Variants in CHST11 observed in about 807,000 individuals in gnomAD.
CHST11 encodes carbohydrate sulfotransferase 11.
In CHST11, 9 loss-of-function variants were observed where a neutral mutation model predicts 30.4. The ratio of observed to expected loss-of-function variants is 0.30; its 90% confidence interval spans 0.18 to 0.52. CHST11 has a LOEUF of 0.52. Ranked by LOEUF, CHST11 falls within the 20% of genes least tolerant of loss-of-function variation. The probability of loss-of-function intolerance (pLI) is 0.97; values close to 1 mark genes in which losing one functional copy is unlikely to be tolerated. For synonymous variants in CHST11, 152 were observed against 187.8 expected, an observed-to-expected ratio of 0.81 and a Z score of 1.56; for missense variants, 348 against 460.6, an observed-to-expected ratio of 0.76 and a Z score of 2.24.
chr12:104,498,044 G>A (rs185516424), intron 1 of CHST11, among the ~76,000 whole-genome samples: 289 of 150,328 alleles, frequency 1.9e-3, no homozygotes, highest in Admixed American at 4.9e-3. Context: ...TCAGCCTCCC[G>A]AGTAGCTGGA....
At chr12:104,510,590 T>G (rs923798846) in intron 1 of CHST11, among the ~76,000 whole-genome samples, 1 of 152,216 alleles carries the variant, frequency 6.6e-6, no homozygotes, top group Non-Finnish European at 1.5e-5. Context: ...ACTATTAAAT[T>G]CAGTGACTGC....
At chr12:104,645,711 A>G (rs564859448) in intron 2 of CHST11, among the ~76,000 whole-genome samples, 96 of 150,148 alleles carry the variant, frequency 6.4e-4, no homozygotes, top group African/African-American at 2.3e-3. Context: ...GTGAGCCAAG[A>G]CAAGATTAGA....
chr12:104,579,529 CAG>C (rs1331225166), intron 1 of CHST11, among the ~76,000 whole-genome samples: 1 of 152,232 alleles, frequency 6.6e-6, no homozygotes. Context: ...GACAATGAAA[CAG>C]GCATTCGTTA....
chr12:104,652,690 T>C (rs536906633), intron 2 of CHST11, among the ~76,000 whole-genome samples: 1 of 152,330 alleles, frequency 6.6e-6, no homozygotes, highest in African/African-American at 2.4e-5. Flanking sequence ...GGCCACCCTG[T>C]TCATCTTGGG....
intron 1 of CHST11, among the ~76,000 whole-genome samples, chr12:104,517,027 T>G (rs1252696144): frequency 6.6e-6 from 1 of 151,650 alleles, no homozygotes; most frequent in African/African-American, 2.4e-5. Context: ...TCATGCATTC[T>G]CTTTCCCCCC....
At chr12:104,728,501 G>A (rs2040233123) in intron 2 of CHST11, among the ~76,000 whole-genome samples, 1 of 152,154 alleles carries the variant, frequency 6.6e-6, no homozygotes, top group Non-Finnish European at 1.5e-5. Context: ...GGTTGGAGGA[G>A]GAATTTCAGA....
intron 1 of CHST11, among the ~76,000 whole-genome samples, chr12:104,488,674 T>C (rs2037713303): frequency 6.6e-6 from 1 of 151,014 alleles, no homozygotes; most frequent in South Asian, 2.1e-4. Flanking sequence ...CGTGTATGTG[T>C]ATGCGTCTGT....
intron 1 of CHST11, among the ~76,000 whole-genome samples, chr12:104,524,577 T>G (rs1192469907): frequency 2.0e-5 from 3 of 152,024 alleles, no homozygotes; most frequent in South Asian, 2.1e-4. Context: ...CATCCCTCCT[T>G]CCATTCATCC....
chr12:104,540,332 G>A (rs2038274980), intron 1 of CHST11, among the ~76,000 whole-genome samples: 1 of 150,846 alleles, frequency 6.6e-6, no homozygotes, highest in African/African-American at 2.4e-5. Flanking sequence ...TAATTTGGGA[G>A]CCATAAAAAA....
intron 1 of CHST11, among the ~76,000 whole-genome samples, chr12:104,527,061 G>C (rs554229357): frequency 3.0e-4 from 46 of 152,146 alleles, no homozygotes; most frequent in Non-Finnish European, 2.2e-4. Flanking sequence ...ATGGTGTAAC[G>C]GGTTGAATTG....
chr12:104,475,644 A>C, intron 1 of CHST11, among the ~76,000 whole-genome samples: 1 of 132,914 alleles, frequency 7.5e-6, no homozygotes, highest in African/African-American at 2.7e-5. Flanking sequence ...ATGATGCCTC[A>C]GAGTAAAGCA....
chr12:104,662,271 C>T (rs1015120062), intron 2 of CHST11, among the ~76,000 whole-genome samples: 3 of 152,142 alleles, frequency 2.0e-5, no homozygotes, highest in Non-Finnish European at 4.4e-5. Context: ...CTCAGGAAAA[C>T]CACTTAACAT....
chr12:104,594,572 CT>C (rs937725979), intron 1 of CHST11, among the ~76,000 whole-genome samples: 1 of 152,040 alleles, frequency 6.6e-6, no homozygotes, highest in Non-Finnish European at 1.5e-5. Context: ...TTTTATTTTG[CT>C]TTTTCTTCTC....
intron 1 of CHST11, among the ~76,000 whole-genome samples, chr12:104,528,990 G>A (rs560298988): frequency 1.2e-4 from 18 of 152,256 alleles, no homozygotes; most frequent in Non-Finnish European, 2.1e-4. Context: ...CCTCAGTCTA[G>A]TGTAGAGAGA....
At chr12:104,634,732 C>T (rs898077112) in intron 2 of CHST11, among the ~76,000 whole-genome samples, 2 of 152,184 alleles carry the variant, frequency 1.3e-5, no homozygotes, top group Non-Finnish European at 2.9e-5. Context: ...GTTAGCTGAG[C>T]AACTTCTGTT....
intron 1 of CHST11, among the ~76,000 whole-genome samples, chr12:104,588,695 A>G: frequency 6.6e-6 from 1 of 152,252 alleles, no homozygotes; most frequent in Non-Finnish European, 1.5e-5. Flanking sequence ...TGTACATGAC[A>G]GCCATGCTCC....
chr12:104,660,016 C>T (rs835482), intron 2 of CHST11, among the ~76,000 whole-genome samples: 26,758 of 152,086 alleles, frequency 0.18, 2,406 homozygotes, highest in Non-Finnish European at 0.19. Flanking sequence ...TCTTTTACTT[C>T]TTAAAATTGT....
intron 1 of CHST11, among the ~76,000 whole-genome samples, chr12:104,546,705 G>A (rs986434283): frequency 1.3e-5 from 2 of 152,142 alleles, no homozygotes; most frequent in South Asian, 2.1e-4. Context: ...GCTACTTCCT[G>A]ATAGGTTCCT....
chr12:104,575,785 C>T (rs1650127), intron 1 of CHST11, among the ~76,000 whole-genome samples: 42,688 of 151,704 alleles, frequency 0.28, 6,194 homozygotes, highest in Middle Eastern at 0.4. Context: ...ACTGCTTCGT[C>T]AGAAGGGCCC....
Sources: gnomAD v4.1 joint callset for allele counts (sites outside exome capture counted in the v4.1 genomes callset) on GRCh38, gnomAD v4.1.1 for gene constraint, MANE v1.5 for transcripts, NCBI Gene and HGNC (gene_info 2026-07-23, HGNC 2026-07-21) for gene names.